Variants in PTP4A3 observed in about 807,000 individuals in gnomAD.
The protein encoded by PTP4A3 is protein tyrosine phosphatase type IVA 3.
Under a neutral mutation model 15.2 loss-of-function variants are expected in PTP4A3, and 9 were observed. The observed-to-expected ratio is 0.59, with a 90% CI of 0.36 to 1.03. The LOEUF is 1.03. PTP4A3 is among the 50% of genes least tolerant of loss of function. PTP4A3 has a pLI of 0.02. For synonymous variants in PTP4A3, 95 were observed against 102.0 expected (o/e 0.93, Z 0.41); for missense variants, 234 against 252.1 (o/e 0.93, Z 0.49).
chr8:141,430,701 C>T lies in PTP4A3; in HGVS notation c.405-226C>T, dbSNP rs145443469. 6.6e-3 allele frequency among the ~76,000 whole-genome samples: 1,004 copies of T among 152,184 alleles called. 9 individuals carry two copies. The highest frequency in any genetic ancestry group is 0.022 in the African/African-American group (930 of 41,526). On this transcript the variant is annotated intron_variant, in intron 5 of 5. Coordinates refer to ENST00000521578, the MANE Select transcript of PTP4A3 (RefSeq NM_032611.3). ...CCCAGAGTCAGCCTGGAGGAGGTGG[C>T]GCTTTGGTGAGTTTGGAAGGCAAGC... is the stretch of plus-strand genomic sequence containing the variant.
Position 141,427,752 on chromosome 8 carries a change from CT to C in PTP4A3, c.333del (p.Pro112GlnfsTer13). The C allele has an allele frequency of 6.4e-7, 1 of 1,550,412 alleles. No individual in the cohort carries two copies. The highest frequency in any genetic ancestry group is 8.7e-7 in the Non-Finnish European group (1 of 1,147,018). On this transcript the variant is annotated frameshift_variant, in exon 5 of 6. Transcript: ENST00000521578. LOFTEE classifies it high-confidence loss of function. ...CCCGCCCTGCTGTTTGCCCCCAGGG[CT>C]CCAGTCCTTGTGGCGCTGGCCCTTA... ...AVHCVAGLGR[A>X]PVLVALALIE...
chr8:141,408,532 T>C (rs1198800545), intron 1 of PTP4A3, among the ~76,000 whole-genome samples: 1 of 151,812 alleles, frequency 6.6e-6, no homozygotes, highest in African/African-American at 2.4e-5. Context: ...GGCAGGAGAA[T>C]TGCTTGAACC....
At chr8:141,404,780 G>A (rs775053661) in intron 1 of PTP4A3, among the ~76,000 whole-genome samples, 4 of 152,116 alleles carry the variant, frequency 2.6e-5, no homozygotes, top group Non-Finnish European at 5.9e-5. Context: ...AGTAGGAGTG[G>A]CAGCTCTGAG....
intron 1 of PTP4A3, among the ~76,000 whole-genome samples, chr8:141,411,677 C>T (rs1001700516): frequency 6.6e-6 from 1 of 152,232 alleles, no homozygotes; most frequent in African/African-American, 2.4e-5. Flanking sequence ...CCTCAGGCCC[C>T]TCTGACGTGC....
At chr8:141,426,661 C>T (rs1014045044) in intron 3 of PTP4A3, 1 of 985,388 alleles carries the variant, frequency 1.0e-6, no homozygotes, top group Non-Finnish European at 1.2e-6. Flanking sequence ...GACTCTGGAG[C>T]AGGCTCTATT....
chr8:141,425,060 T>A lies in PTP4A3; in HGVS notation c.118T>A (p.Tyr40Asn). 1 of 1,612,976 alleles carries A rather than the reference T, an allele frequency of 6.2e-7. No homozygotes were observed. The highest frequency in any genetic ancestry group is 8.5e-7 in the Non-Finnish European group (1 of 1,179,732). ...LSTFIEDLKK[Y>N]GATTVVRVCE... Reference sequence around the variant, plus strand: ...CTCCCACCCCCAGGACCTGAAGAAGTACGGGGCTACCACTGTGGTGCGTGT... The same window carrying A: ...CTCCCACCCCCAGGACCTGAAGAAGAACGGGGCTACCACTGTGGTGCGTGT... The change falls in exon 3 of 6, where the codon TAC becomes AAC. Residue 40 changes from tyrosine to asparagine, a missense_variant. By Grantham distance (143) the Tyr-to-Asn change is moderately radical. Transcript: ENST00000521578. The surrounding 1 kb of genome is among the most constrained non-coding windows in gnomAD (Gnocchi z 4.2).
At chr8:141,430,182 C>G in intron 5 of PTP4A3, among the ~76,000 whole-genome samples, 1 of 149,288 alleles carries the variant, frequency 6.7e-6, no homozygotes, top group South Asian at 2.1e-4. Flanking sequence ...TCCGGGTCCC[C>G]GCTGTAAGGA....
intron 3 of PTP4A3, 55 bp from the exon 4 acceptor site, chr8:141,426,884 G>A: frequency 6.3e-7 from 1 of 1,577,992 alleles, no homozygotes. Context: ...GAGCCCCAGA[G>A]CCGCCTCTCT....
rs1005353296 is a variant in PTP4A3 at position 141,425,499 on chromosome 8, C to T, written c.198+359C>T. ...GTGCATCTCAGTCTTGCTGCCTGGG[C>T]GGCTGGGGCCCTGTTGCCAGGCAGC... On this transcript the variant is annotated intron_variant, in intron 3 of 5. Transcript: ENST00000521578. This position sits in a 1 kb window ranked among gnomAD's most constrained non-coding sequence, Gnocchi z 4.2. Among the ~76,000 whole-genome samples, 5 of 151,282 alleles carry T rather than the reference C, an allele frequency of 3.3e-5. No homozygotes were observed. The highest frequency in any genetic ancestry group is 5.9e-5 in the Non-Finnish European group (4 of 67,858).
chr8:141,418,750 C>G (rs981553132), intron 1 of PTP4A3, among the ~76,000 whole-genome samples: 1 of 152,186 alleles, frequency 6.6e-6, no homozygotes, highest in Non-Finnish European at 1.5e-5. Flanking sequence ...CAGGGGCAAC[C>G]TGTCCCCATT....
intron 1 of PTP4A3, among the ~76,000 whole-genome samples, chr8:141,415,550 T>G (rs189700344): frequency 0.029 from 4,145 of 144,908 alleles, 206 homozygotes; most frequent in African/African-American, 0.1. Context: ...CCGGGATCCT[T>G]CGGGGGAGTG....
chr8:141,424,951 G>A, intron 2 of PTP4A3, 97 bp from the exon 3 acceptor site: 1 of 1,012,158 alleles, frequency 9.9e-7, no homozygotes, highest in Non-Finnish European at 1.5e-6. Context: ...GACTGTGGGG[G>A]ACACAGCTGT....
chr8:141,392,759 C>A (rs1832324395), intron 1 of PTP4A3, among the ~76,000 whole-genome samples: 1 of 152,186 alleles, frequency 6.6e-6, no homozygotes, highest in Admixed American at 6.5e-5. Context: ...TGGTGGCATG[C>A]TTAGCTCCAA....
chr8:141,425,456 C>T lies in PTP4A3; in HGVS notation c.198+316C>T, dbSNP rs777680791. Among the ~76,000 whole-genome samples the T allele has an allele frequency of 1.8e-4, 28 of 152,114 alleles. No homozygotes were observed. The highest frequency in any genetic ancestry group is 3.4e-4 in the Non-Finnish European group (23 of 67,996). On this transcript the variant is annotated intron_variant, in intron 3 of 5. Coordinates refer to ENST00000521578, the MANE Select transcript of PTP4A3 (RefSeq NM_032611.3). This position sits in a 1 kb window ranked among gnomAD's most constrained non-coding sequence, Gnocchi z 4.2. Reference sequence around the variant, plus strand: ...GGCTCCTCTGCCTGTCTCAGGCCCTCCTCTGGGCCTGTCTTGGGTGCATCT... The same window carrying T: ...GGCTCCTCTGCCTGTCTCAGGCCCTTCTCTGGGCCTGTCTTGGGTGCATCT...
chr8:141,429,975 C>G (rs1468845605), intron 5 of PTP4A3, among the ~76,000 whole-genome samples: 1 of 90,052 alleles, frequency 1.1e-5, no homozygotes, highest in Non-Finnish European at 2.4e-5. Context: ...CAGCCCACGT[C>G]CCCGCTGTAA....
intron 1 of PTP4A3, among the ~76,000 whole-genome samples, chr8:141,415,139 G>A (rs1277130381): frequency 3.3e-5 from 5 of 152,148 alleles, no homozygotes; most frequent in Non-Finnish European, 7.4e-5. Flanking sequence ...CCACCTGGGA[G>A]TGAAGCCGGG....
chr8:141,425,180 C>T lies in PTP4A3; in HGVS notation c.198+40C>T, dbSNP rs984151191. ...ACGGGGACCCTAGTCACTGCTGCCA[C>T]CGGGGGAGGGTGGGGCGGGGGGCTC... is the stretch of plus-strand genomic sequence containing the variant. On this transcript the variant is annotated intron_variant, in intron 3 of 5. Coordinates refer to ENST00000521578, the MANE Select transcript of PTP4A3 (RefSeq NM_032611.3). This position sits in a 1 kb window ranked among gnomAD's most constrained non-coding sequence, Gnocchi z 4.2. 2 of 522,622 alleles carry T rather than the reference C, an allele frequency of 3.8e-6. No individual in the cohort carries two copies. The highest frequency in any genetic ancestry group is 7.7e-6 in the Non-Finnish European group (2 of 259,690). 32.4% of individuals were successfully genotyped at this position (522,622 alleles called of 1,614,324 possible).
chr8:141,395,113 C>T (rs1490097330), intron 1 of PTP4A3, among the ~76,000 whole-genome samples: 3 of 152,284 alleles, frequency 2.0e-5, no homozygotes, highest in East Asian at 1.9e-4. Context: ...TTTAGCCGAG[C>T]GGGATCAGGG....
intron 1 of PTP4A3, among the ~76,000 whole-genome samples, chr8:141,411,969 A>G (rs1041424289): frequency 2.0e-5 from 3 of 152,152 alleles, no homozygotes; most frequent in Non-Finnish European, 4.4e-5. Context: ...CATCCACAAA[A>G]TGGGGTGATG....
Sources: gnomAD v4.1 joint callset for allele counts (sites outside exome capture counted in the v4.1 genomes callset) on GRCh38, gnomAD v4.1.1 for gene constraint, Gnocchi (gnomAD v3.1) non-coding constraint, MANE v1.5 for transcripts, NCBI Gene and HGNC (gene_info 2026-07-23, HGNC 2026-07-21) for gene names.